The following HIKESHI variants were observed in gnomAD, a reference collection of about 807,000 sequenced individuals.
HIKESHI encodes the protein heat shock protein nuclear import factor hikeshi.
A neutral mutation model predicts 25.7 loss-of-function variants in HIKESHI; 13 were observed. That is an observed-to-expected ratio of 0.51 (90% CI 0.33 to 0.80). The LOEUF (loss-of-function observed/expected upper bound fraction) is 0.80, where lower values mean the gene tolerates loss of function less well. HIKESHI is among the 30% of genes least tolerant of loss of function. The pLI, the probability that HIKESHI is intolerant of heterozygous loss-of-function variation, is 0.02. For missense variants in HIKESHI, 174 were observed against 229.5 expected, an observed-to-expected ratio of 0.76 and a Z score of 1.56; for synonymous variants, 76 against 78.7, an observed-to-expected ratio of 0.97 and a Z score of 0.18.
intron 3 of HIKESHI, 37 bp from the exon 4 acceptor site, chr11:86,344,565 AT>A: frequency 8.6e-7 from 1 of 1,168,162 alleles, no homozygotes; most frequent in African/African-American, 1.5e-5. Context: ...TAAATGAAGT[AT>A]TCAGTATAAT....
At chr11:86,322,518 A>G (rs1162950619) in intron 2 of HIKESHI, among the ~76,000 whole-genome samples, 1 of 152,050 alleles carries the variant, frequency 6.6e-6, no homozygotes. Flanking sequence ...GTGATTTGAA[A>G]GTATTTTTTC....
intron 2 of HIKESHI, among the ~76,000 whole-genome samples, chr11:86,334,461 A>G (rs2138395728): frequency 1.3e-5 from 2 of 152,256 alleles, no homozygotes; most frequent in East Asian, 3.9e-4. Flanking sequence ...ATTTACTGTT[A>G]ACAGTGTTTT....
Position 86,327,540 on chromosome 11 carries a change from T to G in HIKESHI, c.269-9839T>G, listed in dbSNP as rs531746641. On this transcript the variant is annotated intron_variant, in intron 2 of 4. Transcript: ENST00000278483. ...CTTCTTAGCCAGGATGGTCTCGATC[T>G]CCTGACCTCGTGATCCACTCGCCTT... is the stretch of plus-strand genomic sequence containing the variant. 1.2e-4 allele frequency among the ~76,000 whole-genome samples: 19 copies of G among 152,250 alleles called. No individual in the cohort carries two copies. In the South Asian group the frequency reaches 3.3e-3, roughly 27 times the overall value.
chr11:86,315,183 T>C (rs1162253575), intron 2 of HIKESHI, among the ~76,000 whole-genome samples: 1 of 152,104 alleles, frequency 6.6e-6, no homozygotes, highest in Non-Finnish European at 1.5e-5. Flanking sequence ...GAACATTAAA[T>C]ATAAAGTAAT....
intron 3 of HIKESHI, among the ~76,000 whole-genome samples, chr11:86,338,233 A>C (rs1947622540): frequency 1.3e-5 from 2 of 151,698 alleles, no homozygotes; most frequent in South Asian, 4.2e-4. Flanking sequence ...TGCTTCTGTA[A>C]GTTCAACTTT....
chr11:86,326,622 A>G, intron 2 of HIKESHI: 1 of 451,602 alleles, frequency 2.2e-6, no homozygotes, highest in Non-Finnish European at 4.4e-6. Flanking sequence ...GTGAGCTGAG[A>G]TAAATGAGAA....
At chr11:86,307,644 TAAAATATATATTATGTGTAGTATA>T (rs1473374544) in intron 2 of HIKESHI, among the ~76,000 whole-genome samples, 3,747 of 89,482 alleles carry the variant, frequency 0.042, 1,383 homozygotes, top group East Asian at 0.12. Flanking sequence ...ACATTATATA[TAAAATATATATTATGTGTAGTATA>T]CATTATATAA....
chr11:86,340,156 G>T (rs7938827), intron 3 of HIKESHI, among the ~76,000 whole-genome samples: 94,219 of 151,980 alleles, frequency 0.62, 29,398 homozygotes, highest in East Asian at 0.79. Flanking sequence ...ATCATTGGTG[G>T]ACATTTGGGT....
chr11:86,315,849 C>A (rs755968888), intron 2 of HIKESHI, among the ~76,000 whole-genome samples: 9 of 151,888 alleles, frequency 5.9e-5, no homozygotes, highest in Non-Finnish European at 1.0e-4. Flanking sequence ...AACAAACACA[C>A]AAGAATTAAT....
At chr11:86,333,918 C>T (rs1947481858) in intron 2 of HIKESHI, among the ~76,000 whole-genome samples, 1 of 152,084 alleles carries the variant, frequency 6.6e-6, no homozygotes, top group Non-Finnish European at 1.5e-5. Context: ...AAACTTCAAG[C>T]TTTCAGGTAT....
intron 2 of HIKESHI, among the ~76,000 whole-genome samples, chr11:86,312,135 G>C (rs558301700): frequency 1.3e-5 from 2 of 152,266 alleles, no homozygotes; most frequent in African/African-American, 2.4e-5. Context: ...CTGTCTCGTT[G>C]ATCTGTCTAA....
intron 2 of HIKESHI, among the ~76,000 whole-genome samples, chr11:86,316,004 G>A (rs556856993): frequency 1.3e-5 from 2 of 151,904 alleles, no homozygotes; most frequent in African/African-American, 4.8e-5. Context: ...AGTAAGCTGG[G>A]TGTGGTGGCA....
intron 2 of HIKESHI, among the ~76,000 whole-genome samples, chr11:86,332,856 G>A (rs544121599): frequency 6.6e-6 from 1 of 152,340 alleles, no homozygotes; most frequent in East Asian, 1.9e-4. Flanking sequence ...GATTTGGCCT[G>A]TGGGCCTTGG....
chr11:86,310,163 G>T (rs1199023637), intron 2 of HIKESHI, among the ~76,000 whole-genome samples: 1 of 147,302 alleles, frequency 6.8e-6, no homozygotes, highest in African/African-American at 2.5e-5. Flanking sequence ...GGGCAGTATG[G>T]CCATTTTCAC....
intron 2 of HIKESHI, among the ~76,000 whole-genome samples, chr11:86,332,609 A>G (rs148809127): frequency 3.3e-5 from 5 of 152,314 alleles, no homozygotes; most frequent in African/African-American, 9.6e-5. Context: ...CCAGGAAATT[A>G]TTTTATCAGT....
intron 2 of HIKESHI, among the ~76,000 whole-genome samples, chr11:86,331,155 GT>G (rs1565737242): frequency 1.3e-5 from 2 of 152,082 alleles, no homozygotes; most frequent in Non-Finnish European, 2.9e-5. Flanking sequence ...TTATATTTTC[GT>G]AAAATCATAG....
At chr11:86,305,429 C>G (rs1946597938) in intron 1 of HIKESHI, among the ~76,000 whole-genome samples, 2 of 152,074 alleles carry the variant, frequency 1.3e-5, no homozygotes, top group African/African-American at 2.4e-5. Context: ...AGCTCTTGCA[C>G]CCAGGCTGGT....
intron 3 of HIKESHI, among the ~76,000 whole-genome samples, chr11:86,342,031 CATTT>C (rs1383704317): frequency 6.6e-6 from 1 of 150,786 alleles, no homozygotes; most frequent in African/African-American, 2.4e-5. Flanking sequence ...TTCTCACTAA[CATTT>C]ATCAGACCTT....
At chr11:86,312,381 A>G (rs1397208589) in intron 2 of HIKESHI, among the ~76,000 whole-genome samples, 1 of 151,834 alleles carries the variant, frequency 6.6e-6, no homozygotes, top group African/African-American at 2.4e-5. Flanking sequence ...TAGGATTGCA[A>G]CCCCTGCCTT....
Sources: gnomAD v4.1 joint callset for allele counts (sites outside exome capture counted in the v4.1 genomes callset) on GRCh38, gnomAD v4.1.1 for gene constraint, MANE v1.5 for transcripts, NCBI Gene and HGNC (gene_info 2026-07-23, HGNC 2026-07-21) for gene names.